ZBTB7C: variants seen among roughly 807,000 people sequenced by gnomAD.
ZBTB7C encodes the protein zinc finger and BTB domain-containing protein 7C.
ZBTB7C carries 8 observed loss-of-function variants against 25.7 expected under a neutral mutation model. The ratio of observed to expected loss-of-function variants is 0.31; its 90% confidence interval spans 0.18 to 0.56. The LOEUF (loss-of-function observed/expected upper bound fraction) is 0.56, where lower values mean the gene tolerates loss of function less well. ZBTB7C is among the 20% of genes least tolerant of loss of function. The probability of loss-of-function intolerance (pLI) is 0.91; values close to 1 mark genes in which losing one functional copy is unlikely to be tolerated. For synonymous variants in ZBTB7C, 394 were observed against 369.0 expected (o/e 1.07, Z -0.78); for missense variants, 824 against 855.2 (o/e 0.96, Z 0.46).
intron 2 of ZBTB7C, among the ~76,000 whole-genome samples, chr18:48,198,157 T>A (rs1347658847): frequency 6.6e-6 from 1 of 152,204 alleles, no homozygotes; most frequent in Non-Finnish European, 1.5e-5. Flanking sequence ...ATAAACTGAC[T>A]TCCAGGTCTG....
chr18:48,385,396 C>T (rs953403822), intron 1 of ZBTB7C, among the ~76,000 whole-genome samples: 9 of 152,128 alleles, frequency 5.9e-5, no homozygotes, highest in African/African-American at 1.7e-4. Context: ...TGATGGGGGT[C>T]GCTGATGAGA....
At chr18:48,129,593 A>G (rs2039922100) in intron 3 of ZBTB7C, among the ~76,000 whole-genome samples, 1 of 152,190 alleles carries the variant, frequency 6.6e-6, no homozygotes, top group African/African-American at 2.4e-5. Context: ...AATGAAAAAC[A>G]AAAAACTCTC....
At chr18:48,230,233 C>T (rs62088922) in intron 2 of ZBTB7C, among the ~76,000 whole-genome samples, 7,919 of 152,310 alleles carry the variant, frequency 0.052, 278 homozygotes, top group Non-Finnish European at 0.078. Flanking sequence ...CACCAGTCCT[C>T]TCCCCAACAC....
chr18:48,328,069 C>T (rs917393520), intron 2 of ZBTB7C, among the ~76,000 whole-genome samples: 5 of 150,756 alleles, frequency 3.3e-5, no homozygotes, highest in Non-Finnish European at 7.4e-5. Flanking sequence ...GTAGTCCCAG[C>T]TACTTGGGAG....
At chr18:48,235,625 T>C (rs1216034002) in intron 2 of ZBTB7C, among the ~76,000 whole-genome samples, 2 of 152,214 alleles carry the variant, frequency 1.3e-5, no homozygotes, top group Non-Finnish European at 2.9e-5. Context: ...AAATACATAT[T>C]TTAGGAGTTC....
At chr18:48,222,484 C>T (rs750250558) in intron 2 of ZBTB7C, among the ~76,000 whole-genome samples, 10 of 152,040 alleles carry the variant, frequency 6.6e-5, no homozygotes, top group Admixed American at 2.0e-4. Context: ...ATTTCAAAAG[C>T]GTTTCAATTC....
At chr18:48,052,374 T>G (rs2036724403) in intron 3 of ZBTB7C, among the ~76,000 whole-genome samples, 1 of 152,228 alleles carries the variant, frequency 6.6e-6, no homozygotes, top group South Asian at 2.1e-4. Context: ...GGCTAAGTGG[T>G]ACCATATTTT....
At chr18:48,100,513 T>C (rs1336220337) in intron 3 of ZBTB7C, among the ~76,000 whole-genome samples, 1 of 152,158 alleles carries the variant, frequency 6.6e-6, no homozygotes, top group Non-Finnish European at 1.5e-5. Context: ...TATCACAGAC[T>C]GTATCGCCGA....
At chr18:48,344,337 C>A (rs1405627095) in intron 1 of ZBTB7C, among the ~76,000 whole-genome samples, 1 of 152,190 alleles carries the variant, frequency 6.6e-6, no homozygotes. Flanking sequence ...TTATGAATCA[C>A]CTGGGATCTT....
chr18:48,139,800 T>A (rs2040287637), intron 3 of ZBTB7C, among the ~76,000 whole-genome samples: 1 of 151,240 alleles, frequency 6.6e-6, no homozygotes, highest in Non-Finnish European at 1.5e-5. Context: ...AAGGGGAGGC[T>A]CCCAAAGCCA....
At chr18:48,124,522 G>A (rs1361467987) in intron 3 of ZBTB7C, among the ~76,000 whole-genome samples, 2 of 152,152 alleles carry the variant, frequency 1.3e-5, no homozygotes, top group Non-Finnish European at 2.9e-5. Context: ...GGAAGGGGGT[G>A]GGGTGAATCT....
At chr18:48,365,957 A>T (rs1411507558) in intron 1 of ZBTB7C, among the ~76,000 whole-genome samples, 2 of 152,210 alleles carry the variant, frequency 1.3e-5, no homozygotes, top group Non-Finnish European at 2.9e-5. Flanking sequence ...TCCTATTATC[A>T]GGGGGCAAGA....
chr18:48,236,311 TCTTCTAGAAGC>T (rs1487159848), intron 2 of ZBTB7C, among the ~76,000 whole-genome samples: 3 of 152,322 alleles, frequency 2.0e-5, no homozygotes, highest in Admixed American at 1.3e-4. Flanking sequence ...CAATGTCACC[TCTTCTAGAAGC>T]CTTTTAAGTT....
intron 2 of ZBTB7C, among the ~76,000 whole-genome samples, chr18:48,336,234 T>A (rs904207485): frequency 1.3e-5 from 2 of 152,112 alleles, no homozygotes; most frequent in Non-Finnish European, 2.9e-5. Flanking sequence ...GATAACCAGT[T>A]TTCAAAGCCC....
chr18:48,153,714 C>T (rs2040748025), intron 3 of ZBTB7C, among the ~76,000 whole-genome samples: 1 of 152,238 alleles, frequency 6.6e-6, no homozygotes. Context: ...CCCTGAGCCA[C>T]ACACTCCAGG....
intron 3 of ZBTB7C, among the ~76,000 whole-genome samples, chr18:48,060,876 T>C (rs1302707053): frequency 6.6e-6 from 1 of 151,646 alleles, no homozygotes; most frequent in Non-Finnish European, 1.5e-5. Flanking sequence ...TGCTGCAGGG[T>C]GAGTGTCGGG....
chr18:48,059,230 T>C (rs2037035741), intron 3 of ZBTB7C, among the ~76,000 whole-genome samples: 1 of 152,110 alleles, frequency 6.6e-6, no homozygotes, highest in Admixed American at 6.5e-5. Context: ...TCATCTTGTA[T>C]CTCCAACAAA....
At chr18:48,173,856 G>A (rs1213317151) in intron 3 of ZBTB7C, among the ~76,000 whole-genome samples, 3 of 152,134 alleles carry the variant, frequency 2.0e-5, no homozygotes, top group East Asian at 3.8e-4. Flanking sequence ...TTGATGCCTC[G>A]TGTGAATGTC....
chr18:48,096,275 G>T (rs2038629712), intron 3 of ZBTB7C, among the ~76,000 whole-genome samples: 1 of 152,168 alleles, frequency 6.6e-6, no homozygotes, highest in African/African-American at 2.4e-5. Flanking sequence ...GAAGAAAACG[G>T]AATCACAGGC....
Sources: allele counts gnomAD v4.1 joint callset (sites outside exome capture counted in the v4.1 genomes callset), GRCh38; gene constraint gnomAD v4.1.1; transcripts MANE v1.5; gene names NCBI Gene and HGNC (gene_info 2026-07-23, HGNC 2026-07-21).